SIN3A: variants seen among roughly 807,000 people sequenced by gnomAD.
SIN3A encodes SIN3 transcription regulator family member A, also known as paired amphipathic helix protein Sin3a.
In SIN3A, 14 loss-of-function variants were observed where a neutral mutation model predicts 146.1. The ratio of observed to expected loss-of-function variants is 0.10; its 90% CI spans 0.06 to 0.15. SIN3A has a LOEUF of 0.15. Among genes scored for constraint, SIN3A ranks in the 10% least tolerant of loss-of-function variants. The pLI is 1.00. For missense variants in SIN3A, 1,028 were observed against 1,576.0 expected, an observed-to-expected ratio of 0.65 and a Z score of 5.89; for synonymous variants, 572 against 572.0, an observed-to-expected ratio of 1.00 and a Z score of 0.00.
At chr15:75,455,337 G>A (rs1157902043), upstream of SIN3A, among the ~76,000 whole-genome samples, 1 of 152,152 alleles carries the variant, frequency 6.6e-6, no homozygotes, top group African/African-American at 2.4e-5. Flanking sequence ...CCCGCACGCC[G>A]CAGCTCCGGC....
intron 20 of SIN3A, among the ~76,000 whole-genome samples, chr15:75,372,472 G>A (rs1355315946): frequency 2.0e-5 from 3 of 152,050 alleles, no homozygotes; most frequent in East Asian, 1.9e-4. Flanking sequence ...GGCTGAAAAA[G>A]CTCGCTGTTC....
In SIN3A at chr15:75,410,002, C is replaced by T. The variant is rs767740420; in HGVS notation, c.1162-11G>A. 1 of 1,613,816 alleles carries T rather than the reference C, an allele frequency of 6.2e-7. No individual in the cohort carries two copies. Among genetic ancestry groups the T allele is most frequent in the Non-Finnish European group, 8.5e-7 (1 of 1,179,774 alleles). On this transcript the variant is annotated splice_polypyrimidine_tract_variant and intron_variant, in intron 7 of 20. Transcript: ENST00000394947. Reference sequence around the variant, plus strand: ...TGTTTTGCTTAAAAGCTGATTAAGACACATGAATGAGATTAATGCTCTTAT... The same window carrying T: ...TGTTTTGCTTAAAAGCTGATTAAGATACATGAATGAGATTAATGCTCTTAT...
chr15:75,454,331 G>A (rs2074456620), upstream of SIN3A, among the ~76,000 whole-genome samples: 1 of 152,172 alleles, frequency 6.6e-6, no homozygotes, highest in Non-Finnish European at 1.5e-5. Flanking sequence ...GGGTGGGAGA[G>A]AGGAAAGGGG....
chr15:75,406,160 G>A (rs2073508791), intron 9 of SIN3A, among the ~76,000 whole-genome samples: 1 of 152,216 alleles, frequency 6.6e-6, no homozygotes, highest in South Asian at 2.1e-4. Context: ...CCCAACAGGT[G>A]CCAGCTACCC....
At chr15:75,399,100 C>T (rs954426584) in intron 12 of SIN3A, among the ~76,000 whole-genome samples, 6 of 150,102 alleles carry the variant, frequency 4.0e-5, no homozygotes, top group South Asian at 4.3e-4. Flanking sequence ...CACTCGGTGG[C>T]GGGTAGGGGT....
intron 16 of SIN3A, 140 bp downstream of exon 16, chr15:75,389,512 T>C (rs2073157637): frequency 9.0e-6 from 7 of 774,466 alleles, no homozygotes; most frequent in Non-Finnish European, 1.5e-5. Context: ...AGGCATCACA[T>C]TAACCTCCCC....
chr15:75,444,222 C>T (rs560137540), intron 1 of SIN3A, among the ~76,000 whole-genome samples: 108 of 152,180 alleles, frequency 7.1e-4, no homozygotes, highest in African/African-American at 2.3e-3. Context: ...CGCAGCACTT[C>T]GAGAGATAAG....
At chr15:75,443,166 A>T (rs183178867) in intron 1 of SIN3A, among the ~76,000 whole-genome samples, 1 of 152,192 alleles carries the variant, frequency 6.6e-6, no homozygotes, top group Admixed American at 6.6e-5. Context: ...CCGTCATCCT[A>T]ACAGTCTAGA....
intron 13 of SIN3A, among the ~76,000 whole-genome samples, chr15:75,395,634 G>A (rs940608617): frequency 6.6e-6 from 1 of 152,090 alleles, no homozygotes; most frequent in Non-Finnish European, 1.5e-5. Flanking sequence ...GGTGTGGCTT[G>A]TGCCTGTAAT....
In SIN3A at chr15:75,430,084, A is replaced by G. The variant is rs2073989838; in HGVS notation, c.189+103T>C. ...TTTTTTTTTTACCTTACACATACTCAACAATTTTTAATATCTAACACAGTA... is the reference window on the plus strand; with the variant it reads ...TTTTTTTTTTACCTTACACATACTCGACAATTTTTAATATCTAACACAGTA... On this transcript the variant is annotated intron_variant, in intron 2 of 20. Transcript: ENST00000394947. The G allele has an allele frequency of 5.9e-6, 5 of 840,888 alleles. No individual in the cohort carries two copies. The South Asian group carries it at 8.6e-5, about 15-fold the overall frequency. The allele number at this position is 840,888 out of a possible 1,614,324, so 52.1% of individuals were successfully genotyped here.
At chr15:75,445,759 GAAAAAAAAAA>G (rs774883850) in intron 1 of SIN3A, among the ~76,000 whole-genome samples, 2 of 86,422 alleles carry the variant, frequency 2.3e-5, no homozygotes, top group Non-Finnish European at 4.8e-5. Flanking sequence ...TCAAAAAAAA[GAAAAAAAAAA>G]AAAAAAAAGA....
rs760266997 is a variant in SIN3A at position 75,381,634 on chromosome 15, C to T, written c.3267G>A (p.Ser1089=). 10 of 1,613,646 alleles carry T rather than the reference C, an allele frequency of 6.2e-6. No individual in the cohort carries two copies. Among genetic ancestry groups the T allele is most frequent in the African/African-American group, 5.3e-5 (4 of 74,892 alleles). The change falls in exon 18 of 21, where the codon TCG becomes TCA. Residue 1089 remains serine, a synonymous_variant. Transcript: ENST00000394947. ...IELLDTEEEN[S]DDPVEAERWS... ...ATACCTCTGCTTCCACAGGGTCATC[C>T]GAATTCTCCTCTTCTGTGTCCAGAA... is the stretch of plus-strand genomic sequence containing the variant.
At chr15:75,436,751 T>C (rs1198188286) in intron 1 of SIN3A, among the ~76,000 whole-genome samples, 36 of 151,436 alleles carry the variant, frequency 2.4e-4, no homozygotes, top group Admixed American at 2.2e-3. Context: ...CCACAGGTTC[T>C]GAGGATTAGG....
intron 9 of SIN3A, among the ~76,000 whole-genome samples, chr15:75,405,351 A>G (rs2073491045): frequency 6.7e-6 from 1 of 150,030 alleles, no homozygotes; most frequent in Non-Finnish European, 1.5e-5. Flanking sequence ...GGGCAACAAG[A>G]GCGAGACTCT....
chr15:75,404,984 A>T (rs1452808811), intron 9 of SIN3A, among the ~76,000 whole-genome samples: 1 of 151,898 alleles, frequency 6.6e-6, no homozygotes, highest in Admixed American at 6.6e-5. Flanking sequence ...TCTCTCCAAA[A>T]AAATTTTAAA....
At chr15:75,401,598 A>G (rs1180726290) in intron 10 of SIN3A, among the ~76,000 whole-genome samples, 1 of 152,208 alleles carries the variant, frequency 6.6e-6, no homozygotes, top group Non-Finnish European at 1.5e-5. Context: ...ATTTTTCTTG[A>G]TAAACATCCA....
chr15:75,454,175 T>C (rs1595939337), upstream of SIN3A, among the ~76,000 whole-genome samples: 2 of 151,240 alleles, frequency 1.3e-5, no homozygotes, highest in African/African-American at 4.9e-5. Context: ...AAAAAAATCC[T>C]AGCAACTTAA....
rs543741252 is a variant in SIN3A, at chr15:75,370,671, A to T, written c.*1308T>A. 4 of 152,322 alleles carry T rather than the reference A, an allele frequency of 2.6e-5. No individual in the cohort carries two copies. In the East Asian group the frequency reaches 7.7e-4, roughly 29 times the overall value. 9.4% of individuals were successfully genotyped at this position (152,322 alleles called of 1,614,324 possible). A position where few individuals can be genotyped will look rare whatever the true frequency, so the allele number is the denominator to read the frequency against. On this transcript the variant is annotated 3_prime_UTR_variant, in exon 21 of 21. Coordinates refer to ENST00000394947, the MANE Select transcript of SIN3A (RefSeq NM_001145358.2). ...ACCCCCATCCATCACCAATGTGAAT[A>T]AGAAAAAATATATAGAAATACAAAC... is the stretch of plus-strand genomic sequence containing the variant.
chr15:75,428,056 G>C (rs551004245), intron 2 of SIN3A, among the ~76,000 whole-genome samples: 77 of 151,624 alleles, frequency 5.1e-4, no homozygotes, highest in Middle Eastern at 3.4e-3. Flanking sequence ...TAATAAAAAA[G>C]GGCAAAAACC....
Sources: allele counts gnomAD v4.1 joint callset (sites outside exome capture counted in the v4.1 genomes callset), GRCh38; gene constraint gnomAD v4.1.1; transcripts MANE v1.5; gene names NCBI Gene and HGNC (gene_info 2026-07-23, HGNC 2026-07-21).